The following ZNF233 variants were observed in gnomAD, a reference collection of about 807,000 sequenced individuals.
ZNF233 encodes the protein zinc finger protein 233.
In ZNF233, 7 loss-of-function variants were observed where a neutral mutation model predicts 11.6. The ratio of observed to expected loss-of-function variants is 0.60; its 90% confidence interval spans 0.34 to 1.13. The LOEUF (loss-of-function observed/expected upper bound fraction) is 1.13. Among genes scored for constraint, ZNF233 ranks in the 50% most tolerant of loss-of-function variants. The probability of loss-of-function intolerance (pLI) is 0.03; values close to 1 mark genes in which losing one functional copy is unlikely to be tolerated. For missense variants in ZNF233, 711 were observed against 785.5 expected (o/e 0.91, Z 1.13); for synonymous variants, 226 against 268.5 (o/e 0.84, Z 1.55).
chr19:44,272,777 C>A, intron 4 of ZNF233, 122 bp from the exon 5 acceptor site: 1 of 684,294 alleles, frequency 1.5e-6, no homozygotes, highest in Non-Finnish European at 2.4e-6. Flanking sequence ...TAAAGTCAAG[C>A]TGAACTCTCC....
At position 44,273,722 on chromosome 19, in the gene ZNF233, C is replaced by T; in HGVS notation, c.1062C>T (p.Asn354=). Residue 354 remains asparagine, a synonymous_variant, in exon 5 of 5, where the codon AAC becomes AAT. Coordinates refer to ENST00000683810, the MANE Select transcript of ZNF233 (RefSeq NM_001207005.2). ...TATATGCCCGGAGCTCCAACCAGAA[C>T]TCCTGTCTTCCCTCTCATGAGCTTA... ...CQVYARSSNQ[N]SCLPSHELTH... is the part of the protein sequence containing the mutation. 1.2e-6 allele frequency: 2 copies of T among 1,614,176 alleles called. No individual in the cohort carries two copies. Among genetic ancestry groups the T allele is most frequent in the Non-Finnish European group, 8.5e-7 (1 of 1,180,020 alleles).
chr19:44,265,366 TACACAC>T (rs67044027), intron 2 of ZNF233, among the ~76,000 whole-genome samples: 47,851 of 132,952 alleles, frequency 0.36, 9,161 homozygotes, highest in East Asian at 0.53. Context: ...CATATATATA[TACACAC>T]ACACACACAC....
intron 4 of ZNF233, among the ~76,000 whole-genome samples, chr19:44,271,365 T>C (rs1038417213): frequency 1.3e-5 from 2 of 152,220 alleles, no homozygotes; most frequent in African/African-American, 4.8e-5. Context: ...CACTTGTGAA[T>C]GCTGAAGGAG....
At position 44,273,795 on chromosome 19, in the gene ZNF233, T is replaced by C; in HGVS notation, c.1135T>C (p.Phe379Leu). ...LCTCGRCGKG[F>L]HHSLDFDIHC... Reference sequence around the variant, plus strand: ...TACATGTGGCAGGTGTGGGAAGGGCTTCCATCATAGCTTAGATTTTGACAT... The same window carrying C: ...TACATGTGGCAGGTGTGGGAAGGGCCTCCATCATAGCTTAGATTTTGACAT... The change falls in exon 5 of 5, where the codon TTC becomes CTC. Residue 379 changes from phenylalanine to leucine, a missense_variant. By Grantham distance (22) the Phe-to-Leu change is conservative (BLOSUM62 0). Transcript: ENST00000683810. 1 of 1,614,176 alleles carries C rather than the reference T, an allele frequency of 6.2e-7. No homozygotes were observed. The highest frequency in any genetic ancestry group is 8.5e-7 in the Non-Finnish European group (1 of 1,180,026).
At chr19:44,267,150 T>A in intron 4 of ZNF233, 189 bp downstream of exon 4, 1 of 459,024 alleles carries the variant, frequency 2.2e-6, no homozygotes, top group Non-Finnish European at 3.9e-6. Context: ...ATCATGTAAG[T>A]CAGATCATGT....
chr19:44,265,282 A>G (rs1266444974), intron 2 of ZNF233, among the ~76,000 whole-genome samples: 2 of 152,018 alleles, frequency 1.3e-5, no homozygotes, highest in African/African-American at 2.4e-5. Flanking sequence ...ACAGAGAATA[A>G]TAGTCTCCAA....
intron 4 of ZNF233, chr19:44,267,657 C>T: frequency 2.7e-6 from 1 of 370,906 alleles, no homozygotes; most frequent in Non-Finnish European, 4.8e-6. Flanking sequence ...GTTAGGATTA[C>T]AGGCATGAGC....
At chr19:44,263,977 A>T (rs1974999421) in intron 1 of ZNF233, among the ~76,000 whole-genome samples, 1 of 152,206 alleles carries the variant, frequency 6.6e-6, no homozygotes. Flanking sequence ...GAGGTTAATT[A>T]GCTTAAACAG....
chr19:44,273,605 G>A lies in ZNF233; in HGVS notation c.945G>A (p.Arg315=). 1 of 1,614,162 alleles carries A rather than the reference G, an allele frequency of 6.2e-7. No homozygotes were observed. The highest frequency in any genetic ancestry group is 2.2e-5 in the East Asian group (1 of 44,864). The change falls in exon 5 of 5, where the codon AGG becomes AGA. Residue 315 remains arginine (R), a synonymous_variant. Transcript: ENST00000683810. ...TCCACATAGGAGAGAAATGCTATAG[G>A]AATGGTGACAGTGGTGAGGGCTTCA... The part of the protein sequence containing the change: ...QCFHIGEKCY[R]NGDSGEGFSQ...
In ZNF233 at chr19:44,274,407, CAG is replaced by C. The variant is rs760475674; in HGVS notation, c.1752_1753del (p.Arg584SerfsTer11). ...FSWSSHLQAH[Q>X]RVHTGEKPYK... is the part of the protein sequence containing the mutation. ...TTGGAGTTCACATCTTCAAGCCCAT[CAG>C]AGAGTCCACACAGGAGAGAAACCAT... On this transcript the variant is annotated frameshift_variant, in exon 5 of 5. Coordinates refer to ENST00000683810, the MANE Select transcript of ZNF233 (RefSeq NM_001207005.2). LOFTEE classifies it low-confidence loss of function (END_TRUNC). 8 of 1,614,198 alleles carry C rather than the reference CAG, an allele frequency of 5.0e-6. No individual in the cohort carries two copies. The highest frequency in any genetic ancestry group is 2.2e-5 in the East Asian group (1 of 44,886).
At position 44,269,635 on chromosome 19, in the gene ZNF233, T is replaced by C. The variant is rs536670756; in HGVS notation, c.238+2674T>C. Among the ~76,000 whole-genome samples, 7 of 152,254 alleles carry C rather than the reference T, an allele frequency of 4.6e-5. No homozygotes were observed. The South Asian group carries it at 8.3e-4, about 18-fold the overall frequency. ...TTTTTAATTTTTGGCCAATTTTTTA[T>C]TGAAATATATACAGAAAACTGTACA... On this transcript the variant is annotated intron_variant, in intron 4 of 4. Transcript: ENST00000683810.
rs767971648 is a variant in ZNF233, at chr19:44,273,649, A to G, written c.989A>G (p.Gln330Arg). ...GEGFSQGSHL[Q>R]PHQRVSTGEN... ...GGCTTCAGTCAGGGCTCACATCTGC[A>G]ACCTCATCAGAGAGTCAGCACAGGA... The change falls in exon 5 of 5, where the codon CAA becomes CGA. Residue 330 changes from glutamine to arginine, a missense_variant. Gln to Arg is a conservative substitution (Grantham distance 43). Transcript: ENST00000683810. 7 of 1,614,032 alleles carry G rather than the reference A, an allele frequency of 4.3e-6. No homozygotes were observed. In the East Asian group the frequency reaches 1.6e-4, roughly 36 times the overall value.
At chr19:44,260,363 A>C (rs1974902791) in intron 1 of ZNF233, among the ~76,000 whole-genome samples, 1 of 152,112 alleles carries the variant, frequency 6.6e-6, no homozygotes, top group Admixed American at 6.5e-5. Flanking sequence ...GGTTGTTGCC[A>C]ATCTGTTATT....
intron 1 of ZNF233, chr19:44,260,216 C>G (rs183118948): frequency 5.0e-6 from 1 of 200,102 alleles, no homozygotes; most frequent in East Asian, 1.7e-4. Flanking sequence ...TTGGTAGTTT[C>G]TTAATTTCTC....
intron 3 of ZNF233, 42 bp downstream of exon 3, chr19:44,266,366 G>A: frequency 6.6e-7 from 1 of 1,513,856 alleles, no homozygotes; most frequent in Non-Finnish European, 8.8e-7. Flanking sequence ...CAGCCCTCTG[G>A]ACTGTCCTGC....
intron 4 of ZNF233, among the ~76,000 whole-genome samples, chr19:44,271,981 T>C (rs1975248166): frequency 6.6e-6 from 1 of 151,702 alleles, no homozygotes; most frequent in African/African-American, 2.4e-5. Flanking sequence ...TCCCAGCACT[T>C]TGGGAGGCCA....
chr19:44,274,948 A>G lies in ZNF233; in HGVS notation c.*275A>G, dbSNP rs750087537. 86 of 430,490 alleles carry G rather than the reference A, an allele frequency of 2.0e-4. No homozygotes were observed. The highest frequency in any genetic ancestry group is 3.3e-4 in the Non-Finnish European group (80 of 243,746). 26.7% of individuals were successfully genotyped at this position (430,490 alleles called of 1,614,324 possible). A position where few individuals can be genotyped will look rare whatever the true frequency, so the allele number is the denominator to read the frequency against. On this transcript the variant is annotated 3_prime_UTR_variant, in exon 5 of 5. Transcript: ENST00000683810. ...TATAAAGAATGATACAATATGTTTC[A>G]ATCAGAACCTTCACATCCAATAAGC...
chr19:44,267,069 G>A (rs2123051534), intron 4 of ZNF233, 108 bp downstream of exon 4: 1 of 720,672 alleles, frequency 1.4e-6, no homozygotes, highest in Non-Finnish European at 2.3e-6. Context: ...TCATCGCCCT[G>A]GTTTACTGCA....
chr19:44,263,050 C>T lies in ZNF233; in HGVS notation c.-47-1264C>T, dbSNP rs59252234. Among the ~76,000 whole-genome samples the T allele has an allele frequency of 9.4e-3, 1,439 of 152,296 alleles. 28 individuals carry two copies. The highest frequency in any genetic ancestry group is 0.033 in the African/African-American group (1,372 of 41,544). ...TGGGCAACTTAATCTCAGTAATCCT[C>T]AGCTTCCTCATCCATTAAATGGGAA... On this transcript the variant is annotated intron_variant, in intron 1 of 4. Transcript: ENST00000683810.
Sources: gnomAD v4.1 joint callset for allele counts (sites outside exome capture counted in the v4.1 genomes callset) on GRCh38, gnomAD v4.1.1 for gene constraint, MANE v1.5 for transcripts, NCBI Gene and HGNC (gene_info 2026-07-23, HGNC 2026-07-21) for gene names.